Variants in TMPRSS15 observed in about 807,000 individuals in gnomAD.
TMPRSS15 encodes the protein transmembrane serine protease 15.
In TMPRSS15, 128 loss-of-function variants were observed where a neutral mutation model predicts 125.3. The observed-to-expected ratio is 1.02, with a 90% CI of 0.89 to 1.18. TMPRSS15 has a LOEUF of 1.18. Among genes scored for constraint, TMPRSS15 ranks in the 50% most tolerant of loss-of-function variants. The probability of loss-of-function intolerance (pLI) is 0.00; values close to 1 mark genes in which losing one functional copy is unlikely to be tolerated. For missense variants in TMPRSS15, 1,283 were observed against 1,212.7 expected, an observed-to-expected ratio of 1.06 and a Z score of -0.86; for synonymous variants, 446 against 423.2, an observed-to-expected ratio of 1.05 and a Z score of -0.66.
At chr21:18,437,439 A>C (rs1446417834) in intron 1 of TMPRSS15, among the ~76,000 whole-genome samples, 3 of 152,096 alleles carry the variant, frequency 2.0e-5, no homozygotes, top group African/African-American at 4.8e-5. Context: ...TCTAAAACAC[A>C]AAAAGCAATG....
At chr21:18,391,133 C>A (rs1226035321) in intron 3 of TMPRSS15, among the ~76,000 whole-genome samples, 1 of 152,152 alleles carries the variant, frequency 6.6e-6, no homozygotes, top group Non-Finnish European at 1.5e-5. Flanking sequence ...GGACACAGAG[C>A]CAAACCATAT....
At chr21:18,304,269 G>T (rs2075005924) in intron 18 of TMPRSS15, among the ~76,000 whole-genome samples, 1 of 152,178 alleles carries the variant, frequency 6.6e-6, no homozygotes, top group South Asian at 2.1e-4. Context: ...ATATGTGTGT[G>T]TGTGTGTATC....
At chr21:18,274,072 G>A (rs959845606) in intron 24 of TMPRSS15, among the ~76,000 whole-genome samples, 8 of 152,100 alleles carry the variant, frequency 5.3e-5, no homozygotes, top group Non-Finnish European at 7.4e-5. Flanking sequence ...GTAATTATTC[G>A]TTTGGTCAGT....
At chr21:18,382,899 T>A (rs917846867) in intron 4 of TMPRSS15, among the ~76,000 whole-genome samples, 2 of 152,210 alleles carry the variant, frequency 1.3e-5, no homozygotes, top group Non-Finnish European at 2.9e-5. Context: ...GTATTTTTTA[T>A]TATTTTTGAT....
intron 1 of TMPRSS15, among the ~76,000 whole-genome samples, chr21:18,423,641 C>T (rs1292726836): frequency 2.0e-5 from 3 of 151,216 alleles, no homozygotes; most frequent in Non-Finnish European, 4.4e-5. Context: ...TGGTCTCGAT[C>T]TCCTGACCTC....
At position 18,398,296 on chromosome 21, in the gene TMPRSS15, G is replaced by T. The variant is rs199751836; in HGVS notation, c.179C>A (p.Ala60Glu). ...AALGQSHEAR[A>E]TFKITSGVTY... ...AACTCCGGATGTTATTTTAAATGTC[G>T]CTCTGGCTTCATGACTCTGTCCAAG... Residue 60 changes from alanine (A) to glutamate (E), a missense_variant, in exon 2 of 25, where the codon GCG (alanine) becomes GAG (glutamate). Ala to Glu is a moderately radical substitution (Grantham distance 107, BLOSUM62 -1). Transcript: ENST00000284885. The T allele has an allele frequency of 6.2e-7, 1 of 1,613,544 alleles. No individual in the cohort carries two copies. Among genetic ancestry groups the T allele is most frequent in the Non-Finnish European group, 8.5e-7 (1 of 1,179,692 alleles).
intron 9 of TMPRSS15, 25 bp from the exon 10 acceptor site, chr21:18,353,077 T>A (rs1555902476): frequency 6.2e-7 from 1 of 1,600,746 alleles, no homozygotes. Flanking sequence ...AAAGAAGGAA[T>A]AAAAAAAATT....
intron 16 of TMPRSS15, among the ~76,000 whole-genome samples, chr21:18,317,585 C>A (rs751607516): frequency 1.1e-4 from 16 of 152,086 alleles, no homozygotes; most frequent in Non-Finnish European, 1.2e-4. Context: ...ACTGCATAAC[C>A]ACAAGGACCA....
chr21:18,410,120 T>G (rs1254834445), intron 1 of TMPRSS15, among the ~76,000 whole-genome samples: 2 of 151,258 alleles, frequency 1.3e-5, no homozygotes, highest in Non-Finnish European at 3.0e-5. Context: ...ATATGCATTT[T>G]TTTTTTTTTT....
At chr21:18,424,908 A>ATATAT (rs910259060) in intron 1 of TMPRSS15, among the ~76,000 whole-genome samples, 1 of 148,824 alleles carries the variant, frequency 6.7e-6, no homozygotes, top group African/African-American at 2.4e-5. Flanking sequence ...ATTAATTCAT[A>ATATAT]TATATTATAT....
intron 1 of TMPRSS15, among the ~76,000 whole-genome samples, chr21:18,467,916 GTAGTTT>G (rs987758779): frequency 2.8e-4 from 42 of 152,196 alleles, no homozygotes; most frequent in African/African-American, 9.4e-4. Context: ...GTGTATTTGT[GTAGTTT>G]TAGTTTTAGT....
At chr21:18,277,254 C>T (rs1338954293) in intron 23 of TMPRSS15, among the ~76,000 whole-genome samples, 1 of 152,020 alleles carries the variant, frequency 6.6e-6, no homozygotes, top group Non-Finnish European at 1.5e-5. Flanking sequence ...TTAAGTTAAT[C>T]AGACATATAT....
chr21:18,343,257 G>A (rs2075467253), intron 12 of TMPRSS15, among the ~76,000 whole-genome samples: 2 of 152,062 alleles, frequency 1.3e-5, no homozygotes, highest in Non-Finnish European at 2.9e-5. Flanking sequence ...AAAAGACTTC[G>A]ATGTATTTTA....
At chr21:18,318,179 G>T (rs1006482840) in intron 16 of TMPRSS15, among the ~76,000 whole-genome samples, 3 of 152,176 alleles carry the variant, frequency 2.0e-5, no homozygotes, top group African/African-American at 7.2e-5. Flanking sequence ...CAACTGCCTG[G>T]CAGGGAAGCC....
intron 3 of TMPRSS15, among the ~76,000 whole-genome samples, chr21:18,389,495 G>T (rs1601427081): frequency 6.6e-6 from 1 of 152,104 alleles, no homozygotes; most frequent in Admixed American, 6.5e-5. Context: ...AGAGGGGAAA[G>T]AAATAATTCC....
chr21:18,355,744 TG>T (rs1431529926), intron 8 of TMPRSS15, among the ~76,000 whole-genome samples: 1 of 151,848 alleles, frequency 6.6e-6, no homozygotes, highest in African/African-American at 2.4e-5. Flanking sequence ...AGACAGTGAC[TG>T]GTATATACTA....
chr21:18,287,716 A>G (rs1042062559), intron 21 of TMPRSS15, among the ~76,000 whole-genome samples: 8 of 152,218 alleles, frequency 5.3e-5, no homozygotes, highest in African/African-American at 1.7e-4. Context: ...AGGAAACACA[A>G]TTTTACAGGG....
chr21:18,436,450 G>A (rs1312950824), intron 1 of TMPRSS15, among the ~76,000 whole-genome samples: 1 of 152,070 alleles, frequency 6.6e-6, no homozygotes, highest in African/African-American at 2.4e-5. Context: ...TTTTGAGTGA[G>A]TTTCTTAATC....
chr21:18,314,264 G>A (rs2075134004), intron 17 of TMPRSS15, among the ~76,000 whole-genome samples: 1 of 152,026 alleles, frequency 6.6e-6, no homozygotes, highest in Non-Finnish European at 1.5e-5. Flanking sequence ...TTCCTCATGG[G>A]TAAACTATAG....
Sources: allele counts gnomAD v4.1 joint callset (sites outside exome capture counted in the v4.1 genomes callset), GRCh38; gene constraint gnomAD v4.1.1; transcripts MANE v1.5; gene names NCBI Gene and HGNC (gene_info 2026-07-23, HGNC 2026-07-21).